Variants in ITGA4 observed in about 807,000 individuals in gnomAD.
ITGA4 encodes integrin subunit alpha 4, also known as integrin alpha-4.
In ITGA4, 63 loss-of-function variants were observed where a neutral mutation model predicts 133.6. The observed-to-expected ratio is 0.47, with a 90% CI of 0.38 to 0.58. The LOEUF is 0.58. Among genes scored for constraint, ITGA4 ranks in the 20% least tolerant of loss-of-function variants. The probability of loss-of-function intolerance (pLI) is 0.00; values close to 1 mark genes in which losing one functional copy is unlikely to be tolerated. For missense variants in ITGA4, 1,076 were observed against 1,252.7 expected (o/e 0.86, Z 2.13); for synonymous variants, 483 against 438.0 (o/e 1.10, Z -1.28).
chr2:181,508,323 G>C (rs1021777845), intron 15 of ITGA4, among the ~76,000 whole-genome samples: 2 of 152,040 alleles, frequency 1.3e-5, no homozygotes, highest in Non-Finnish European at 2.9e-5. Context: ...AATGGATTGT[G>C]AATGGGTTAC....
In ITGA4 at chr2:181,522,233, G is replaced by C. The variant is rs1273378347; in HGVS notation, c.1965G>C (p.Lys655Asn). 6.3e-7 allele frequency: 1 copy of C among 1,598,668 alleles called. No individual in the cohort carries two copies. The highest frequency in any genetic ancestry group is 8.6e-7 in the Non-Finnish European group (1 of 1,168,742). ...CATATCTTGCTGTTGGGAGTATGAA[G>C]ACATTGATGTTGAATGTGTCCTTGT... ...NKTYLAVGSM[K>N]TLMLNVSLFN... Residue 655 changes from lysine (K) to asparagine (N), a missense_variant, in exon 18 of 28, where the codon AAG becomes AAC. By Grantham distance (94) the Lys-to-Asn change is moderately conservative. Transcript: ENST00000397033.
intron 2 of ITGA4, among the ~76,000 whole-genome samples, chr2:181,464,400 T>G (rs531341155): frequency 1.3e-5 from 2 of 152,292 alleles, no homozygotes; most frequent in Admixed American, 1.3e-4. Flanking sequence ...TTTTATTGAT[T>G]ACTTATGTAT....
chr2:181,524,365 C>T (rs1374552591), intron 20 of ITGA4, 115 bp downstream of exon 20: 10 of 574,168 alleles, frequency 1.7e-5, no homozygotes, highest in South Asian at 8.9e-5. Context: ...ACTTCTCTTA[C>T]GTGGTATGCT....
intron 20 of ITGA4, 39 bp from the exon 21 acceptor site, chr2:181,525,163 G>T: frequency 8.6e-7 from 1 of 1,158,378 alleles, no homozygotes; most frequent in South Asian, 1.2e-5. Flanking sequence ...AGATTTTTCT[G>T]CTTGGTGAAT....
intron 2 of ITGA4, among the ~76,000 whole-genome samples, chr2:181,460,948 C>G (rs565962607): frequency 8.6e-5 from 13 of 151,904 alleles, no homozygotes; most frequent in Non-Finnish European, 1.9e-4. Flanking sequence ...TATCTTCTTT[C>G]CTTTGGAATA....
chr2:181,497,876 C>CTT (rs984702185), intron 14 of ITGA4, among the ~76,000 whole-genome samples: 1 of 147,596 alleles, frequency 6.8e-6, no homozygotes, highest in African/African-American at 2.5e-5. Context: ...TTCTTTTTTC[C>CTT]TTTTTTTTTT....
intron 16 of ITGA4, among the ~76,000 whole-genome samples, chr2:181,510,268 TTA>T (rs1459924498): frequency 1.3e-5 from 2 of 152,142 alleles, no homozygotes; most frequent in Non-Finnish European, 1.5e-5. Context: ...ACACATGTAT[TTA>T]TGTTATACAA....
At chr2:181,487,007 A>G (rs1255191085) in intron 10 of ITGA4, among the ~76,000 whole-genome samples, 1 of 152,224 alleles carries the variant, frequency 6.6e-6, no homozygotes, top group Non-Finnish European at 1.5e-5. Flanking sequence ...CTACATAAAA[A>G]GTCAGTTATT....
Position 181,536,281 on chromosome 2 carries a change from CTATTCTTCCTATA to C in ITGA4, c.*755_*767del, listed in dbSNP as rs1050724126. Reference sequence around the variant, plus strand: ...GGTATATATTTACCATTCTTCCTATCTATTCTTCCTATAACACACCTTTATCAAGCATACCCAG... The same window carrying C: ...GGTATATATTTACCATTCTTCCTATCACACACCTTTATCAAGCATACCCAG... On this transcript the variant is annotated 3_prime_UTR_variant, in exon 28 of 28. Transcript: ENST00000397033. 1.2e-3 allele frequency: 179 copies of C among 152,054 alleles called. No homozygotes were observed. The highest frequency in any genetic ancestry group is 4.1e-3 in the African/African-American group (169 of 41,494). The allele number at this position is 152,054 out of a possible 1,614,324, so 9.4% of individuals were successfully genotyped here. A position where few individuals can be genotyped will look rare whatever the true frequency, so the allele number is the denominator to read the frequency against.
Position 181,509,681 on chromosome 2 carries a change from C to T in ITGA4, c.1719C>T (p.Thr573=), listed in dbSNP as rs1686466414. Residue 573 remains threonine (T), a synonymous_variant, in exon 16 of 28, where the codon ACC becomes ACT. Transcript: ENST00000397033. ...FMRKDVRDIL[T]PIQIEAAYHL... is the part of the protein sequence containing the mutation. ...AGAAAGATGTGCGGGACATCCTCAC[C>T]CCAATTCAGATTGAAGCTGCTTACC... 23 of 1,605,666 alleles carry T rather than the reference C, an allele frequency of 1.4e-5. No individual in the cohort carries two copies. The highest frequency in any genetic ancestry group is 1.8e-5 in the Non-Finnish European group (21 of 1,176,412).
chr2:181,494,600 GC>G (rs1026621331), intron 11 of ITGA4, 121 bp from the exon 12 acceptor site: 4 of 655,040 alleles, frequency 6.1e-6, no homozygotes, highest in African/African-American at 5.4e-5. Context: ...TAACTAAAAT[GC>G]AGCTTTGTTA....
rs980316971 is a variant in ITGA4 at position 181,516,856 on chromosome 2, T to C, written c.1922+5081T>C. Among the ~76,000 whole-genome samples, 5 of 152,098 alleles carry C rather than the reference T, an allele frequency of 3.3e-5. 1 individual carries two copies. Among genetic ancestry groups the C allele is most frequent in the Admixed American group, 3.3e-4 (5 of 15,248 alleles). On this transcript the variant is annotated intron_variant, in intron 17 of 27. Coordinates refer to ENST00000397033, the MANE Select transcript of ITGA4 (RefSeq NM_000885.6). The surrounding 1 kb of genome is among the most constrained non-coding windows in gnomAD (Gnocchi z 4.0). Reference sequence around the variant, plus strand: ...TGCTGTTAATTCCCGAAAGAGCTAGTGTGATGAAATTGTCCATTTTTAAAA... The same window carrying C: ...TGCTGTTAATTCCCGAAAGAGCTAGCGTGATGAAATTGTCCATTTTTAAAA...
In ITGA4 at chr2:181,523,299, C is replaced by T. The variant is rs548332946; in HGVS notation, c.2074-138C>T. On this transcript the variant is annotated intron_variant, in intron 18 of 27. Transcript: ENST00000397033. This position sits in a 1 kb window ranked among gnomAD's most constrained non-coding sequence, Gnocchi z 4.2. ...ATATCATATGTCTATTTATCTCAAACATATAAATAGAAAATAGTTTTCCTA... is the reference window on the plus strand; with the variant it reads ...ATATCATATGTCTATTTATCTCAAATATATAAATAGAAAATAGTTTTCCTA... 4.4e-4 allele frequency: 255 copies of T among 578,676 alleles called. 1 individual carries two copies. Among genetic ancestry groups the T allele is most frequent in the Admixed American group, 9.3e-4 (32 of 34,392 alleles). The allele number at this position is 578,676 out of a possible 1,614,324, so 35.8% of individuals were successfully genotyped here. A position where few individuals can be genotyped will look rare whatever the true frequency, so the allele number is the denominator to read the frequency against.
At chr2:181,529,418 C>A in intron 22 of ITGA4, 123 bp from the exon 23 acceptor site, 1 of 456,936 alleles carries the variant, frequency 2.2e-6, no homozygotes, top group South Asian at 4.5e-5. Context: ...AGCTGCCAAC[C>A]ATAAACCTCC....
Position 181,535,807 on chromosome 2 carries a change from G to A in ITGA4, c.*280G>A, listed in dbSNP as rs1190991189. On this transcript the variant is annotated 3_prime_UTR_variant, in exon 28 of 28. Coordinates refer to ENST00000397033, the MANE Select transcript of ITGA4 (RefSeq NM_000885.6). Reference sequence around the variant, plus strand: ...ATTTATTCAAGAAAAGTAAGCCCTTGAAGATATCTTGAAATGAAAGTATAA... The same window carrying A: ...ATTTATTCAAGAAAAGTAAGCCCTTAAAGATATCTTGAAATGAAAGTATAA... 1 of 230,952 alleles carries A rather than the reference G, an allele frequency of 4.3e-6. No individual in the cohort carries two copies. Among genetic ancestry groups the A allele is most frequent in the Admixed American group, 5.2e-5 (1 of 19,072 alleles). The allele number at this position is 230,952 out of a possible 1,614,324, so 14.3% of individuals were successfully genotyped here.
chr2:181,475,237 C>A lies in ITGA4; in HGVS notation c.505C>A (p.Pro169Thr). 1 of 1,611,964 alleles carries A rather than the reference C, an allele frequency of 6.2e-7. No homozygotes were observed. Among genetic ancestry groups the A allele is most frequent in the East Asian group, 2.2e-5 (1 of 44,864 alleles). ...CCCCACTGGTGGTTGCTATGGAGTG[C>A]CCCCTGATTTACGAACAGAACTGAG... The part of the protein sequence containing the change: ...KLPTGGCYGV[P>T]PDLRTELSKR... The change falls in exon 4 of 28, where the codon CCC becomes ACC. Residue 169 changes from proline (P) to threonine (T), a missense_variant. Physicochemically the swap from Pro to Thr is conservative, Grantham distance 38 (BLOSUM62 -1). Around this residue, in one of 4 missense-constraint regions of ITGA4, gnomAD observed 436 missense variants for 590.7 expected, o/e 0.74. Transcript: ENST00000397033.
At chr2:181,497,938 T>C (rs941438645) in intron 14 of ITGA4, among the ~76,000 whole-genome samples, 36 of 152,164 alleles carry the variant, frequency 2.4e-4, no homozygotes, top group African/African-American at 8.2e-4. Context: ...TATTTCAGAT[T>C]TGAAATAAAC....
At chr2:181,483,492 T>G (rs1231327758) in intron 9 of ITGA4, among the ~76,000 whole-genome samples, 1 of 152,214 alleles carries the variant, frequency 6.6e-6, no homozygotes, top group Non-Finnish European at 1.5e-5. Flanking sequence ...AGAAAGTATT[T>G]GTAACTATGT....
chr2:181,513,976 A>G (rs1686556930), intron 17 of ITGA4, among the ~76,000 whole-genome samples: 1 of 152,060 alleles, frequency 6.6e-6, no homozygotes, highest in Non-Finnish European at 1.5e-5. Context: ...TGTGTTCCCA[A>G]TGCCTAACAG....
Sources: gnomAD v4.1 joint callset for allele counts (sites outside exome capture counted in the v4.1 genomes callset) on GRCh38, gnomAD v4.1.1 for gene constraint, gnomAD v4.1.1 regional missense constraint, Gnocchi (gnomAD v3.1) non-coding constraint, MANE v1.5 for transcripts, NCBI Gene and HGNC (gene_info 2026-07-23, HGNC 2026-07-21) for gene names.